Variants in USP15 observed in about 807,000 individuals in gnomAD.
USP15 encodes ubiquitin specific peptidase 15.
A neutral mutation model predicts 127.1 loss-of-function variants in USP15; 18 were observed. That is an observed-to-expected ratio of 0.14 (90% CI 0.10 to 0.21). The LOEUF (loss-of-function observed/expected upper bound fraction) is 0.21. Ranked by LOEUF, USP15 falls within the 10% of genes least tolerant of loss-of-function variation. The probability of loss-of-function intolerance (pLI) is 1.00; values close to 1 mark genes in which losing one functional copy is unlikely to be tolerated. For missense variants in USP15, 805 were observed against 1,159.9 expected, an observed-to-expected ratio of 0.69 and a Z score of 4.44; for synonymous variants, 364 against 393.7, an observed-to-expected ratio of 0.92 and a Z score of 0.89.
chr12:62,392,370 A>T lies in USP15; in HGVS notation c.2403A>T (p.Leu801=). 6.3e-7 allele frequency: 1 copy of T among 1,595,182 alleles called. No individual in the cohort carries two copies. The highest frequency in any genetic ancestry group is 1.1e-5 in the South Asian group (1 of 87,492). Residue 801 remains leucine, a synonymous_variant, in exon 18 of 22, where the codon CTA becomes CTT. Transcript: ENST00000280377. ...CIELFTTKEK[L]GAEDPWYCPN... ...AACTTTTTACAACAAAAGAAAAGCT[A>T]GGTGCTGAAGATCCCTGGTAAGAGA...
intron 8 of USP15, among the ~76,000 whole-genome samples, chr12:62,377,096 T>A (rs1009827932): frequency 6.6e-6 from 1 of 152,178 alleles, no homozygotes; most frequent in African/African-American, 2.4e-5. Flanking sequence ...ATTTAGGGGG[T>A]ACATGAGGTA....
chr12:62,286,547 A>ATTCTACC (rs1231394479), intron 1 of USP15, among the ~76,000 whole-genome samples: 11 of 152,222 alleles, frequency 7.2e-5, no homozygotes, highest in Admixed American at 5.9e-4. Flanking sequence ...TTCTACCAAA[A>ATTCTACC]AGACACTTAC....
chr12:62,361,208 T>A (rs2066303861), intron 8 of USP15, among the ~76,000 whole-genome samples: 1 of 152,070 alleles, frequency 6.6e-6, no homozygotes, highest in Admixed American at 6.6e-5. Flanking sequence ...AAGAATGCCT[T>A]GCACTTGTGT....
chr12:62,337,438 CGTTTT>C lies in USP15; in HGVS notation c.683+11521_683+11525del, dbSNP rs570299257. ...CTCAGAGCTTGTGCAGAGAAACTCC[CGTTTT>C]GTTTTGTTTTGTTTTTTGTCTTTTT... On this transcript the variant is annotated intron_variant, in intron 6 of 21. Transcript: ENST00000280377. Among the ~76,000 whole-genome samples, 17 of 152,036 alleles carry C rather than the reference CGTTTT, an allele frequency of 1.1e-4. No homozygotes were observed. In the East Asian group the frequency reaches 2.1e-3, roughly 19 times the overall value.
chr12:62,281,793 T>C (rs1162128354), intron 1 of USP15, among the ~76,000 whole-genome samples: 1 of 152,156 alleles, frequency 6.6e-6, no homozygotes, highest in Admixed American at 6.5e-5. Flanking sequence ...AATAGTATCA[T>C]TGTACAGAAA....
intron 3 of USP15, among the ~76,000 whole-genome samples, chr12:62,311,254 A>T (rs529450289): frequency 6.6e-6 from 1 of 151,898 alleles, no homozygotes. Flanking sequence ...GTTTTTCTAT[A>T]CTGAAAATTG....
intron 1 of USP15, among the ~76,000 whole-genome samples, chr12:62,262,270 A>G (rs1422120041): frequency 6.6e-6 from 1 of 152,144 alleles, no homozygotes; most frequent in Non-Finnish European, 1.5e-5. Flanking sequence ...TTTTTATTAT[A>G]ATGTTAGATG....
intron 1 of USP15, among the ~76,000 whole-genome samples, chr12:62,262,506 A>G (rs1565795299): frequency 6.6e-6 from 1 of 152,172 alleles, no homozygotes; most frequent in Non-Finnish European, 1.5e-5. Context: ...CATTAATGTC[A>G]CGTTTTTGTA....
chr12:62,317,136 A>G lies in USP15; in HGVS notation c.475+2220A>G, dbSNP rs111255114. Among the ~76,000 whole-genome samples, 477 of 152,266 alleles carry G rather than the reference A, an allele frequency of 3.1e-3. 1 individual carries two copies. The highest frequency in any genetic ancestry group is 9.9e-3 in the African/African-American group (411 of 41,572). ...ATTTCCTGGGTCACAATTTCTTACT[A>G]TAGCTCTTAGTTTAAAAAATTTGAA... On this transcript the variant is annotated intron_variant, in intron 4 of 21. Coordinates refer to ENST00000280377, the MANE Select transcript of USP15 (RefSeq NM_001252078.2).
At chr12:62,334,167 A>G (rs1270256639) in intron 6 of USP15, 3 of 152,172 alleles carry the variant, frequency 2.0e-5, no homozygotes, top group African/African-American at 4.8e-5. Context: ...TATCGTTCCA[A>G]TTTTGGTATA....
At position 62,409,941 on chromosome 12, in the gene USP15, T is replaced by C. The variant is rs2067997822; in HGVS notation, c.*5566T>C. On this transcript the variant is annotated 3_prime_UTR_variant, in exon 22 of 22. Transcript: ENST00000280377. Reference sequence around the variant, plus strand: ...TTCTTTTAAACTCCATAAAGGAGTATTCGATGTTAACAGACGTAACTCTTT... The same window carrying C: ...TTCTTTTAAACTCCATAAAGGAGTACTCGATGTTAACAGACGTAACTCTTT... 1 of 152,160 alleles carries C rather than the reference T, an allele frequency of 6.6e-6. No homozygotes were observed. Among genetic ancestry groups the C allele is most frequent in the African/African-American group, 2.4e-5 (1 of 41,452 alleles). 9.4% of individuals were successfully genotyped at this position (152,160 alleles called of 1,614,324 possible).
intron 1 of USP15, among the ~76,000 whole-genome samples, chr12:62,289,614 T>C (rs2063894049): frequency 1.3e-5 from 2 of 152,032 alleles, no homozygotes; most frequent in Non-Finnish European, 2.9e-5. Flanking sequence ...ACTTTTCCTC[T>C]GATCTTTATG....
At chr12:62,275,018 C>G (rs530700023) in intron 1 of USP15, among the ~76,000 whole-genome samples, 1 of 152,152 alleles carries the variant, frequency 6.6e-6, no homozygotes, top group East Asian at 1.9e-4. Flanking sequence ...GGGGCAGACT[C>G]TTAGAAATAT....
intron 6 of USP15, among the ~76,000 whole-genome samples, chr12:62,340,977 T>TACCCC (rs1335928215): frequency 5.9e-5 from 9 of 152,194 alleles, no homozygotes; most frequent in Admixed American, 5.9e-4. Context: ...AGTAGGGTGT[T>TACCCC]AAAGAGTCCC....
intron 11 of USP15, among the ~76,000 whole-genome samples, chr12:62,388,548 G>A (rs750912074): frequency 6.6e-6 from 1 of 152,210 alleles, no homozygotes; most frequent in Non-Finnish European, 1.5e-5. Context: ...CTGTGGATTT[G>A]TAGCACACCA....
chr12:62,353,393 G>A (rs1374668350), intron 7 of USP15, among the ~76,000 whole-genome samples: 2 of 151,968 alleles, frequency 1.3e-5, no homozygotes, highest in Non-Finnish European at 2.9e-5. Flanking sequence ...ATCCCTTTGT[G>A]TTACACGTGG....
chr12:62,380,497 C>A (rs1029148626), intron 8 of USP15, among the ~76,000 whole-genome samples: 1 of 151,958 alleles, frequency 6.6e-6, no homozygotes, highest in Admixed American at 6.6e-5. Context: ...AAGCAAGCTT[C>A]GAAAAACTCT....
intron 3 of USP15, among the ~76,000 whole-genome samples, chr12:62,314,374 T>C (rs1295441702): frequency 6.6e-6 from 1 of 151,914 alleles, no homozygotes; most frequent in Non-Finnish European, 1.5e-5. Context: ...GAAGTATGTT[T>C]GTATCTTCAA....
intron 6 of USP15, among the ~76,000 whole-genome samples, chr12:62,344,157 T>C (rs771200802): frequency 1.3e-5 from 2 of 152,090 alleles, no homozygotes; most frequent in Non-Finnish European, 2.9e-5. Flanking sequence ...CAGTCCAGTG[T>C]CTCATTCAAG....
Sources: allele counts gnomAD v4.1 joint callset (sites outside exome capture counted in the v4.1 genomes callset), GRCh38; gene constraint gnomAD v4.1.1; transcripts MANE v1.5; gene names NCBI Gene and HGNC (gene_info 2026-07-23, HGNC 2026-07-21).